Variants in MACROD2 observed in about 807,000 individuals in gnomAD.
MACROD2 encodes the protein mono-ADP ribosylhydrolase 2, also known as ADP-ribose glycohydrolase MACROD2.
A neutral mutation model predicts 70.4 loss-of-function variants in MACROD2; 36 were observed. The ratio of observed to expected loss-of-function variants is 0.51; its 90% CI spans 0.39 to 0.68. The LOEUF (loss-of-function observed/expected upper bound fraction) is 0.68, where lower values mean the gene tolerates loss of function less well. Among genes scored for constraint, MACROD2 ranks in the 30% least tolerant of loss-of-function variants. The pLI is 0.00. For missense variants in MACROD2, 496 were observed against 538.4 expected (o/e 0.92, Z 0.78); for synonymous variants, 172 against 178.8 (o/e 0.96, Z 0.30).
chr20:15,838,310 A>T (rs1043968973), intron 8 of MACROD2, among the ~76,000 whole-genome samples: 5 of 152,148 alleles, frequency 3.3e-5, no homozygotes, highest in Non-Finnish European at 7.4e-5. Context: ...GAAGAGAAGG[A>T]AGTTGCTTTT....
chr20:15,144,116 C>T (rs1453185448), intron 5 of MACROD2, among the ~76,000 whole-genome samples: 1 of 152,076 alleles, frequency 6.6e-6, no homozygotes, highest in Non-Finnish European at 1.5e-5. Context: ...ATAAATACTA[C>T]AATTCATGTA....
chr20:15,395,399 A>T (rs914602664), intron 6 of MACROD2, among the ~76,000 whole-genome samples: 4 of 152,198 alleles, frequency 2.6e-5, no homozygotes, highest in African/African-American at 4.8e-5. Context: ...AAACATTTTT[A>T]AAAATTCTAT....
intron 3 of MACROD2, among the ~76,000 whole-genome samples, chr20:14,283,271 T>C (rs1406102751): frequency 1.3e-5 from 2 of 152,238 alleles, no homozygotes; most frequent in African/African-American, 2.4e-5. Flanking sequence ...ATAAATTTAG[T>C]GCAATGAGAA....
chr20:14,403,946 A>C (rs148810089), intron 3 of MACROD2, among the ~76,000 whole-genome samples: 23 of 152,284 alleles, frequency 1.5e-4, no homozygotes, highest in African/African-American at 5.5e-4. Context: ...TATATGTTTA[A>C]TATGATAAAA....
At chr20:15,099,707 G>C (rs1418916731) in intron 5 of MACROD2, among the ~76,000 whole-genome samples, 1 of 152,146 alleles carries the variant, frequency 6.6e-6, no homozygotes, top group East Asian at 1.9e-4. Flanking sequence ...GAAAAGTTTT[G>C]AGATCCATTC....
intron 4 of MACROD2, among the ~76,000 whole-genome samples, chr20:14,536,499 A>G (rs1998106): frequency 0.21 from 31,752 of 152,158 alleles, 3,927 homozygotes; most frequent in Non-Finnish European, 0.28. Context: ...AGGACAGTTC[A>G]TCTTTATACA....
At chr20:14,451,634 C>T (rs545426827) in intron 3 of MACROD2, among the ~76,000 whole-genome samples, 1 of 152,230 alleles carries the variant, frequency 6.6e-6, no homozygotes, top group African/African-American at 2.4e-5. Flanking sequence ...TCCCAGGGCA[C>T]GTAGACTCAG....
At chr20:14,917,453 T>G (rs1209030137) in intron 5 of MACROD2, among the ~76,000 whole-genome samples, 1 of 152,084 alleles carries the variant, frequency 6.6e-6, no homozygotes, top group Admixed American at 6.5e-5. Context: ...TATGAAGCAA[T>G]GCAGGGAGGA....
intron 5 of MACROD2, among the ~76,000 whole-genome samples, chr20:14,844,412 G>A (rs1398720531): frequency 1.3e-5 from 2 of 151,914 alleles, no homozygotes; most frequent in African/African-American, 4.8e-5. Context: ...AGCTACTCGG[G>A]AGGCTGAGAC....
intron 8 of MACROD2, among the ~76,000 whole-genome samples, chr20:15,671,505 CAT>C (rs1459391263): frequency 2.0e-5 from 3 of 152,210 alleles, no homozygotes; most frequent in Non-Finnish European, 4.4e-5. Context: ...TACTGAACAT[CAT>C]AAAGAACGTG....
At chr20:14,566,509 A>G (rs748981216) in intron 4 of MACROD2, 5 of 151,810 alleles carry the variant, frequency 3.3e-5, no homozygotes, top group Non-Finnish European at 7.4e-5. Flanking sequence ...AGATTGCTTT[A>G]AAAAGACATT....
intron 5 of MACROD2, among the ~76,000 whole-genome samples, chr20:14,867,172 A>C (rs1403399211): frequency 6.6e-6 from 1 of 152,176 alleles, no homozygotes; most frequent in Non-Finnish European, 1.5e-5. Flanking sequence ...GAGAAACCTG[A>C]TGAAAGAAGG....
intron 3 of MACROD2, among the ~76,000 whole-genome samples, chr20:14,115,424 C>T (rs2054502355): frequency 6.6e-6 from 1 of 152,120 alleles, no homozygotes; most frequent in East Asian, 1.9e-4. Context: ...AAAACCCCCA[C>T]CATGCTGTTT....
intron 3 of MACROD2, among the ~76,000 whole-genome samples, chr20:14,090,765 T>C (rs1317797562): frequency 6.6e-6 from 1 of 152,222 alleles, no homozygotes; most frequent in Non-Finnish European, 1.5e-5. Context: ...TCAGTTTCTT[T>C]GGATACCTAG....
chr20:14,971,453 G>A lies in MACROD2; in HGVS notation c.419-258487G>A, dbSNP rs181668267. Among the ~76,000 whole-genome samples, 574 of 151,984 alleles carry A rather than the reference G, an allele frequency of 3.8e-3. 7 individuals carry two copies. The highest frequency in any genetic ancestry group is 0.013 in the African/African-American group (545 of 41,482). ...TTTGACATTAGTAGGTAAAGGGAGG[G>A]GGGGGACTCTGAATTACTTATTCTC... On this transcript the variant is annotated intron_variant, in intron 5 of 17. Coordinates refer to ENST00000684519, the MANE Select transcript of MACROD2 (RefSeq NM_001351661.2).
intron 3 of MACROD2, among the ~76,000 whole-genome samples, chr20:14,086,449 A>G (rs1601205145): frequency 6.6e-6 from 1 of 152,240 alleles, no homozygotes; most frequent in Non-Finnish European, 1.5e-5. Flanking sequence ...GCAAGTGTCA[A>G]TTAAAAACAA....
At chr20:14,784,667 G>GTT (rs1491310867) in intron 5 of MACROD2, among the ~76,000 whole-genome samples, 2 of 52,212 alleles carry the variant, frequency 3.8e-5, no homozygotes, top group Non-Finnish European at 6.8e-5. Flanking sequence ...GGTGTTTTAA[G>GTT]TGGGGGGGGG....
At chr20:15,635,628 A>G (rs1208786584) in intron 8 of MACROD2, among the ~76,000 whole-genome samples, 2 of 152,148 alleles carry the variant, frequency 1.3e-5, no homozygotes, top group African/African-American at 4.8e-5. Flanking sequence ...TTAAAAAACT[A>G]TTGGGTACTG....
At chr20:15,023,860 T>C (rs199901531) in intron 5 of MACROD2, among the ~76,000 whole-genome samples, 1 of 152,150 alleles carries the variant, frequency 6.6e-6, no homozygotes, top group East Asian at 1.9e-4. Context: ...CAGTGATCAC[T>C]TCTCACACAT....
Sources: gnomAD v4.1 joint callset for allele counts (sites outside exome capture counted in the v4.1 genomes callset) on GRCh38, gnomAD v4.1.1 for gene constraint, MANE v1.5 for transcripts, NCBI Gene and HGNC (gene_info 2026-07-23, HGNC 2026-07-21) for gene names.